PABPC4L: variants seen among roughly 807,000 people sequenced by gnomAD.
PABPC4L encodes the protein poly(A) binding protein cytoplasmic 4 like, also known as polyadenylate-binding protein 4-like.
For synonymous variants in PABPC4L, 169 were observed against 164.1 expected, an observed-to-expected ratio of 1.03 and a Z score of -0.23; for missense variants, 452 against 451.4, an observed-to-expected ratio of 1.00 and a Z score of -0.01.
At chr4:134,115,705 T>A in the PABPC4L span, among the ~76,000 whole-genome samples, 1 of 151,798 alleles carries the variant, frequency 6.6e-6, no homozygotes, top group African/African-American at 2.4e-5. Context: ...GTTTCGCTGC[T>A]GGATGTCAAA....
the PABPC4L span, among the ~76,000 whole-genome samples, chr4:134,066,756 T>TAA: frequency 4.9e-3 from 750 of 152,180 alleles, 9 homozygotes; most frequent in African/African-American, 0.017. Flanking sequence ...TGAAGAGAGG[T>TAA]TGAATTTTAC....
chr4:134,041,896 CCA>C, the PABPC4L span, among the ~76,000 whole-genome samples: 1 of 152,016 alleles, frequency 6.6e-6, no homozygotes, highest in Admixed American at 6.6e-5. Context: ...AGTAGATCTA[CCA>C]TTTGATCCAG....
At chr4:134,148,855 A>G in the PABPC4L span, among the ~76,000 whole-genome samples, 1 of 80,104 alleles carries the variant, frequency 1.2e-5, no homozygotes, top group Admixed American at 1.6e-4. Flanking sequence ...TAGTTGAATG[A>G]ATAATTTTTT....
chr4:134,107,301 AT>A, the PABPC4L span, among the ~76,000 whole-genome samples: 1 of 151,508 alleles, frequency 6.6e-6, no homozygotes, highest in Non-Finnish European at 1.5e-5. Context: ...CAAGCCTAGA[AT>A]ACTATGATTA....
At chr4:134,004,956 G>C in the PABPC4L span, among the ~76,000 whole-genome samples, 7 of 151,838 alleles carry the variant, frequency 4.6e-5, no homozygotes, top group South Asian at 1.4e-3. Context: ...CAAGGCGGCA[G>C]TGAGACGGGG....
chr4:134,032,228 A>C, the PABPC4L span, among the ~76,000 whole-genome samples: 1 of 151,998 alleles, frequency 6.6e-6, no homozygotes. Flanking sequence ...GATTGTTAAA[A>C]AATAAAAATA....
the PABPC4L span, among the ~76,000 whole-genome samples, chr4:134,124,468 C>T: frequency 6.6e-6 from 1 of 152,052 alleles, no homozygotes; most frequent in African/African-American, 2.4e-5. Context: ...TTTCATAAAA[C>T]CTCTAACCTT....
the PABPC4L span, among the ~76,000 whole-genome samples, chr4:134,040,747 T>A: frequency 2.6e-5 from 4 of 151,972 alleles, no homozygotes; most frequent in Non-Finnish European, 5.9e-5. Context: ...AAACTAAAGA[T>A]CTTCTGCACA....
chr4:134,194,026 C>A (rs1461769355), downstream of PABPC4L, among the ~76,000 whole-genome samples: 1 of 151,660 alleles, frequency 6.6e-6, no homozygotes, highest in Admixed American at 6.6e-5. Flanking sequence ...GTAGTCCAGT[C>A]ACATGTATTA....
At chr4:133,987,903 G>T in the PABPC4L span, among the ~76,000 whole-genome samples, 1 of 152,130 alleles carries the variant, frequency 6.6e-6, no homozygotes, top group Non-Finnish European at 1.5e-5. Context: ...GCACTGCAGG[G>T]CTAGGGAGGC....
chr4:134,135,865 G>A, the PABPC4L span, among the ~76,000 whole-genome samples: 1 of 151,828 alleles, frequency 6.6e-6, no homozygotes, highest in African/African-American at 2.4e-5. Flanking sequence ...ATAAAACACA[G>A]CAGAAAAGTA....
At chr4:134,122,929 T>C in the PABPC4L span, among the ~76,000 whole-genome samples, 3 of 151,958 alleles carry the variant, frequency 2.0e-5, no homozygotes, top group African/African-American at 7.2e-5. Context: ...TTTACTCAGA[T>C]AGTGACTAAA....
chr4:134,133,238 A>G, the PABPC4L span, among the ~76,000 whole-genome samples: 4 of 136,990 alleles, frequency 2.9e-5, no homozygotes, highest in Non-Finnish European at 6.1e-5. Context: ...GATATTTAAT[A>G]TTACATAATA....
the PABPC4L span, among the ~76,000 whole-genome samples, chr4:134,092,595 A>G: frequency 2.0e-5 from 3 of 152,058 alleles, no homozygotes; most frequent in East Asian, 5.8e-4. Flanking sequence ...CTAAAAGGGC[A>G]TTGTTTGAAA....
At chr4:134,020,052 A>T in the PABPC4L span, among the ~76,000 whole-genome samples, 1 of 152,160 alleles carries the variant, frequency 6.6e-6, no homozygotes, top group Non-Finnish European at 1.5e-5. Flanking sequence ...GAATAATACT[A>T]GCTACTACCA....
At chr4:134,109,581 T>C in the PABPC4L span, among the ~76,000 whole-genome samples, 4 of 151,768 alleles carry the variant, frequency 2.6e-5, no homozygotes, top group African/African-American at 9.7e-5. Flanking sequence ...AATGCAAACT[T>C]TGAAAAATTC....
chr4:134,124,769 C>T, the PABPC4L span, among the ~76,000 whole-genome samples: 2 of 151,970 alleles, frequency 1.3e-5, no homozygotes, highest in Non-Finnish European at 2.9e-5. Context: ...GCATTTTTTA[C>T]AAAATTCATA....
At chr4:134,135,948 T>G in the PABPC4L span, among the ~76,000 whole-genome samples, 1 of 152,158 alleles carries the variant, frequency 6.6e-6, no homozygotes, top group African/African-American at 2.4e-5. Context: ...CTTTTTTATT[T>G]TTAAGCATAA....
At chr4:133,998,117 C>A in the PABPC4L span, among the ~76,000 whole-genome samples, 1 of 151,632 alleles carries the variant, frequency 6.6e-6, no homozygotes, top group Non-Finnish European at 1.5e-5. Context: ...ATTATTTAAT[C>A]TATAATTTTT....
Sources: allele counts gnomAD v4.1 joint callset (sites outside exome capture counted in the v4.1 genomes callset), GRCh38; gene constraint gnomAD v4.1.1; transcripts MANE v1.5; gene names NCBI Gene and HGNC (gene_info 2026-07-23, HGNC 2026-07-21).